Variants in ADAMTSL1 observed in about 807,000 individuals in gnomAD.
ADAMTSL1 encodes the protein ADAMTS like 1.
Under a neutral mutation model 201.8 loss-of-function variants are expected in ADAMTSL1, and 126 were observed. The ratio of observed to expected loss-of-function variants is 0.62; its 90% CI spans 0.54 to 0.72. ADAMTSL1 has a LOEUF of 0.72. ADAMTSL1 is among the 30% of genes least tolerant of loss of function. The pLI is 0.00. For missense variants in ADAMTSL1, 2,679 were observed against 2,277.8 expected, an observed-to-expected ratio of 1.18 and a Z score of -3.59; for synonymous variants, 1,121 against 903.4, an observed-to-expected ratio of 1.24 and a Z score of -4.32.
intron 7 of ADAMTSL1, chr9:18,651,584 C>G (rs970625725): frequency 6.6e-6 from 1 of 152,282 alleles, no homozygotes; most frequent in South Asian, 2.1e-4. Flanking sequence ...CAAGAGAACA[C>G]TTATTTCCTG....
intron 1 of ADAMTSL1, among the ~76,000 whole-genome samples, chr9:18,132,341 T>G (rs766133165): frequency 4.5e-4 from 68 of 152,182 alleles, no homozygotes; most frequent in Non-Finnish European, 7.2e-4. Flanking sequence ...TGTGTTTGAA[T>G]CAGTGGCGTT....
In ADAMTSL1 at chr9:18,636,963, G is replaced by C. The variant is rs576140515; in HGVS notation, c.676+946G>C. Among the ~76,000 whole-genome samples the C allele has an allele frequency of 1.5e-4, 23 of 152,196 alleles. No homozygotes were observed. In the South Asian group the frequency reaches 4.6e-3, roughly 30 times the overall value. On this transcript the variant is annotated intron_variant, in intron 6 of 28. Coordinates refer to ENST00000380548, the MANE Select transcript of ADAMTSL1 (RefSeq NM_001040272.6). The stretch of plus-strand genomic sequence containing the variant: ...TTTAGATAGCAAGTAGTATTTTTTA[G>C]TAGTTGGATTATGAATGAAATCACG...
chr9:18,215,070 G>T (rs1414341229), intron 2 of ADAMTSL1, among the ~76,000 whole-genome samples: 1 of 152,112 alleles, frequency 6.6e-6, no homozygotes, highest in African/African-American at 2.4e-5. Context: ...TTGAAAGAGG[G>T]CAGAAGTTGA....
chr9:18,293,818 T>C (rs1833367606), intron 2 of ADAMTSL1, among the ~76,000 whole-genome samples: 1 of 152,212 alleles, frequency 6.6e-6, no homozygotes, highest in Admixed American at 6.5e-5. Flanking sequence ...GAGTTTCTTA[T>C]ATAGACTATA....
At chr9:18,180,308 C>T (rs1238527801) in intron 2 of ADAMTSL1, among the ~76,000 whole-genome samples, 22 of 151,992 alleles carry the variant, frequency 1.4e-4, no homozygotes, top group South Asian at 4.2e-4. Context: ...CTGAGGCGGG[C>T]GGATCACGAG....
At chr9:18,492,088 C>T (rs1314989407) in intron 1 of ADAMTSL1, among the ~76,000 whole-genome samples, 1 of 152,136 alleles carries the variant, frequency 6.6e-6, no homozygotes. Flanking sequence ...TGATAAAGGA[C>T]TTAATATGTA....
intron 2 of ADAMTSL1, among the ~76,000 whole-genome samples, chr9:18,221,107 G>A (rs1265619443): frequency 6.6e-6 from 1 of 152,054 alleles, no homozygotes; most frequent in African/African-American, 2.4e-5. Context: ...TGCATACCTT[G>A]TTAAAGAAAA....
chr9:18,463,011 AG>A (rs1255880266), intron 2 of ADAMTSL1, among the ~76,000 whole-genome samples: 1 of 152,076 alleles, frequency 6.6e-6, no homozygotes, highest in African/African-American at 2.4e-5. Context: ...TCCAGGCATC[AG>A]GAAGAGTAAG....
intron 2 of ADAMTSL1, among the ~76,000 whole-genome samples, chr9:18,437,698 C>A (rs1415225505): frequency 6.6e-6 from 1 of 152,080 alleles, no homozygotes; most frequent in Non-Finnish European, 1.5e-5. Context: ...GCAGTGATTT[C>A]TTCTCAGTGA....
At chr9:18,079,223 C>G (rs1303245016) in intron 1 of ADAMTSL1, among the ~76,000 whole-genome samples, 2 of 152,186 alleles carry the variant, frequency 1.3e-5, no homozygotes, top group African/African-American at 2.4e-5. Context: ...TACTCTCATC[C>G]TCGTAAAGAA....
In ADAMTSL1 at chr9:18,152,184, AC is replaced by A. The variant is rs561832440; in HGVS notation, c.88-11675del. Among the ~76,000 whole-genome samples the A allele has an allele frequency of 1.8e-4, 27 of 152,158 alleles. No individual in the cohort carries two copies. In the East Asian group the frequency reaches 5.2e-3, roughly 30 times the overall value. On this transcript the variant is annotated intron_variant, in intron 1 of 29. Coordinates refer to the ADAMTSL1 transcript ENST00000680146. The stretch of plus-strand genomic sequence containing the variant: ...AGAGAGGTGGTAAACCAGGACTTCC[AC>A]CCAGGTCCTGTGACTCCAGATCTCG...
At chr9:17,994,957 AAG>A (rs1281370114) in intron 1 of ADAMTSL1, among the ~76,000 whole-genome samples, 1 of 152,166 alleles carries the variant, frequency 6.6e-6, no homozygotes, top group African/African-American at 2.4e-5. Context: ...GGCTTGGAGA[AAG>A]AGATTAACAA....
intron 2 of ADAMTSL1, among the ~76,000 whole-genome samples, chr9:18,212,356 G>T (rs770027754): frequency 6.6e-6 from 1 of 152,152 alleles, no homozygotes; most frequent in Non-Finnish European, 1.5e-5. Context: ...AAAATTCCAA[G>T]TGTGTCCATA....
chr9:18,722,689 C>T (rs759610459), intron 15 of ADAMTSL1, among the ~76,000 whole-genome samples: 1 of 152,158 alleles, frequency 6.6e-6, no homozygotes, highest in African/African-American at 2.4e-5. Context: ...CAGAGTTGTT[C>T]TGTATGATGA....
At chr9:18,550,627 T>A (rs573971621) in intron 3 of ADAMTSL1, among the ~76,000 whole-genome samples, 1 of 151,948 alleles carries the variant, frequency 6.6e-6, no homozygotes, top group Non-Finnish European at 1.5e-5. Context: ...AGTAAGCCCT[T>A]CCAATGCCTT....
chr9:18,876,490 CTA>C (rs966109744), intron 23 of ADAMTSL1, among the ~76,000 whole-genome samples: 1 of 152,072 alleles, frequency 6.6e-6, no homozygotes, highest in Non-Finnish European at 1.5e-5. Context: ...CTGAAAAAGA[CTA>C]TCTTTCCTTC....
intron 1 of ADAMTSL1, among the ~76,000 whole-genome samples, chr9:18,099,257 A>G (rs538958545): frequency 6.9e-6 from 1 of 145,270 alleles, no homozygotes; most frequent in South Asian, 2.1e-4. Context: ...GCTCCTGAAA[A>G]ATCTGATTAG....
At chr9:18,265,177 C>T (rs1186384217) in intron 2 of ADAMTSL1, among the ~76,000 whole-genome samples, 1 of 152,188 alleles carries the variant, frequency 6.6e-6, no homozygotes, top group Non-Finnish European at 1.5e-5. Context: ...AAGCTCCAGA[C>T]ATACTGGCCT....
intron 13 of ADAMTSL1, among the ~76,000 whole-genome samples, chr9:18,690,081 G>A (rs912473217): frequency 6.6e-6 from 1 of 152,128 alleles, no homozygotes; most frequent in African/African-American, 2.4e-5. Context: ...TAGCAATGGG[G>A]TTTATTCAAT....
Sources: allele counts gnomAD v4.1 joint callset (sites outside exome capture counted in the v4.1 genomes callset), GRCh38; gene constraint gnomAD v4.1.1; transcripts MANE v1.5; gene names NCBI Gene and HGNC (gene_info 2026-07-23, HGNC 2026-07-21).